Variants in FMN1 observed in about 807,000 individuals in gnomAD.
FMN1 encodes formin-1.
A neutral mutation model predicts 132.4 loss-of-function variants in FMN1; 110 were observed. That is an observed-to-expected ratio of 0.83 (90% CI 0.71 to 0.97). The LOEUF (loss-of-function observed/expected upper bound fraction) is 0.97, where lower values mean the gene tolerates loss of function less well. Among genes scored for constraint, FMN1 ranks in the 50% least tolerant of loss-of-function variants. The probability of loss-of-function intolerance (pLI) is 0.00; values close to 1 mark genes in which losing one functional copy is unlikely to be tolerated. For missense variants in FMN1, 1,792 were observed against 1,705.3 expected (o/e 1.05, Z -0.90); for synonymous variants, 722 against 651.7 (o/e 1.11, Z -1.64).
intron 6 of FMN1, among the ~76,000 whole-genome samples, chr15:33,024,844 C>T (rs1179777688): frequency 6.6e-6 from 1 of 152,064 alleles, no homozygotes; most frequent in Non-Finnish European, 1.5e-5. Flanking sequence ...TACAGACAAG[C>T]AATTAAGATG....
chr15:33,149,488 T>C (rs1964360638), intron 4 of FMN1, among the ~76,000 whole-genome samples: 1 of 152,208 alleles, frequency 6.6e-6, no homozygotes, highest in Non-Finnish European at 1.5e-5. Context: ...GCAATAAACA[T>C]CCTTATGCCT....
chr15:33,066,954 T>G (rs1464873357), intron 5 of FMN1: 1 of 1,613,922 alleles, frequency 6.2e-7, no homozygotes, highest in Non-Finnish European at 8.5e-7. Flanking sequence ...ACAGGCTGCG[T>G]CAATTTGAGC....
chr15:32,845,822 A>G (rs138055505), intron 17 of FMN1, among the ~76,000 whole-genome samples: 5 of 152,338 alleles, frequency 3.3e-5, no homozygotes, highest in African/African-American at 9.6e-5. Context: ...AAGTGGGACA[A>G]TAAGAATGCC....
chr15:33,137,087 CAAAAAAAAA>C (rs3082373), intron 4 of FMN1, among the ~76,000 whole-genome samples: 2 of 52,426 alleles, frequency 3.8e-5, no homozygotes, highest in Non-Finnish European at 6.5e-5. Context: ...GACCCCGTCT[CAAAAAAAAA>C]AAAAAAAAAA....
chr15:33,002,886 T>C (rs560675457), intron 7 of FMN1, among the ~76,000 whole-genome samples: 1 of 152,298 alleles, frequency 6.6e-6, no homozygotes, highest in South Asian at 2.1e-4. Context: ...TAGAATAGTT[T>C]AAAACTACAG....
chr15:33,072,676 A>C (rs2038043668), intron 5 of FMN1, among the ~76,000 whole-genome samples: 1 of 152,242 alleles, frequency 6.6e-6, no homozygotes, highest in South Asian at 2.1e-4. Context: ...TAATCCCAGC[A>C]CTTTGGGAAG....
intron 4 of FMN1, chr15:33,151,485 A>G: frequency 8.8e-7 from 1 of 1,139,050 alleles, no homozygotes. Flanking sequence ...TCAGTCTCCA[A>G]CAGAAACTGA....
At chr15:32,941,976 A>G (rs2140445100) in intron 9 of FMN1, among the ~76,000 whole-genome samples, 1 of 152,330 alleles carries the variant, frequency 6.6e-6, no homozygotes, top group African/African-American at 2.4e-5. Context: ...CTGGAGGAGA[A>G]TGCAATTTGT....
intron 12 of FMN1, among the ~76,000 whole-genome samples, chr15:32,902,395 T>G (rs2060319797): frequency 1.3e-5 from 2 of 152,226 alleles, no homozygotes; most frequent in South Asian, 4.1e-4. Context: ...AATTATGCAA[T>G]AAACTCCCTC....
intron 17 of FMN1, among the ~76,000 whole-genome samples, chr15:32,831,963 T>C (rs947512974): frequency 3.9e-5 from 6 of 152,160 alleles, no homozygotes; most frequent in African/African-American, 1.4e-4. Flanking sequence ...CAATGTGAAC[T>C]TTTGTAACTC....
chr15:32,865,478 G>A (rs767219813), intron 16 of FMN1, among the ~76,000 whole-genome samples: 6 of 152,160 alleles, frequency 3.9e-5, no homozygotes, highest in Non-Finnish European at 7.3e-5. Context: ...AGTTTGAGAT[G>A]CACATGTAAT....
intron 19 of FMN1, among the ~76,000 whole-genome samples, chr15:32,781,134 G>C (rs2056649564): frequency 6.6e-6 from 1 of 152,036 alleles, no homozygotes; most frequent in Non-Finnish European, 1.5e-5. Flanking sequence ...GTGGGAATAT[G>C]GGTGTGATAT....
At chr15:32,853,209 T>C (rs906382819) in intron 17 of FMN1, among the ~76,000 whole-genome samples, 14 of 152,366 alleles carry the variant, frequency 9.2e-5, no homozygotes, top group African/African-American at 2.2e-4. Context: ...TTTTGTTTTT[T>C]CAACTCTAAA....
At chr15:33,049,621 T>G (rs1466964970) in intron 6 of FMN1, among the ~76,000 whole-genome samples, 2 of 152,228 alleles carry the variant, frequency 1.3e-5, no homozygotes, top group African/African-American at 4.8e-5. Flanking sequence ...CCTTCTTACA[T>G]ATTTAAGTTC....
At chr15:32,924,882 C>G (rs1159382696) in intron 10 of FMN1, among the ~76,000 whole-genome samples, 1 of 152,172 alleles carries the variant, frequency 6.6e-6, no homozygotes, top group East Asian at 1.9e-4. Context: ...CCACTGCACT[C>G]CAGCCTGGGC....
At position 33,118,545 on chromosome 15, in the gene FMN1, A is replaced by G. The variant is rs938280010; in HGVS notation, c.1868-29571T>C. Among the ~76,000 whole-genome samples the G allele has an allele frequency of 2.6e-5, 4 of 152,230 alleles. No individual in the cohort carries two copies. In the East Asian group the frequency reaches 7.7e-4, roughly 29 times the overall value. ...TAGGTAATTTTTCTAATTTCAGTAT[A>G]AACTTGTTGATAAGAATCAAGTGAA... On this transcript the variant is annotated intron_variant, in intron 4 of 20. Transcript: ENST00000616417.
At chr15:32,882,665 T>G (rs1406683286) in intron 16 of FMN1, among the ~76,000 whole-genome samples, 1 of 152,134 alleles carries the variant, frequency 6.6e-6, no homozygotes, top group African/African-American at 2.4e-5. Context: ...CAAGTTAAAT[T>G]AGAATTTCAG....
At chr15:33,128,142 G>A (rs1963289622) in intron 4 of FMN1, among the ~76,000 whole-genome samples, 2 of 151,654 alleles carry the variant, frequency 1.3e-5, no homozygotes, top group Admixed American at 1.3e-4. Context: ...GAGCAGTAGA[G>A]AGTGTAACAG....
chr15:32,927,433 A>G (rs1308349386), intron 9 of FMN1, among the ~76,000 whole-genome samples: 1 of 151,888 alleles, frequency 6.6e-6, no homozygotes, highest in Admixed American at 6.6e-5. Flanking sequence ...TATTTTTTTG[A>G]TGTTTTGTAG....
Sources: gnomAD v4.1 joint callset for allele counts (sites outside exome capture counted in the v4.1 genomes callset) on GRCh38, gnomAD v4.1.1 for gene constraint, MANE v1.5 for transcripts, NCBI Gene and HGNC (gene_info 2026-07-23, HGNC 2026-07-21) for gene names.